CORO7: variants seen among roughly 807,000 people sequenced by gnomAD.
CORO7 encodes coronin 7.
In CORO7, 107 loss-of-function variants were observed where a neutral mutation model predicts 126.6. That is an observed-to-expected ratio of 0.85 (90% CI 0.72 to 0.99). The LOEUF is 0.99. Among genes scored for constraint, CORO7 ranks in the 50% least tolerant of loss-of-function variants. CORO7 has a pLI of 0.00. For synonymous variants in CORO7, 603 were observed against 536.8 expected, an observed-to-expected ratio of 1.12 and a Z score of -1.70; for missense variants, 1,314 against 1,255.8, an observed-to-expected ratio of 1.05 and a Z score of -0.70.
At position 4,371,673 on chromosome 16, in the gene CORO7, C is replaced by A. The variant is rs1039790494; in HGVS notation, c.786-6128G>T. ...ACCCACGACGGGCAAGGTCTCCCCG[C>A]GCAGGTCAGGTGGCCGCAGGGTGAG... On this transcript the variant is annotated intron_variant, in intron 9 of 27. Coordinates refer to ENST00000251166, the MANE Select transcript of CORO7 (RefSeq NM_024535.5). Among the ~76,000 whole-genome samples the A allele has an allele frequency of 2.6e-5, 4 of 152,370 alleles. 1 individual carries two copies. In the South Asian group the frequency reaches 8.3e-4, roughly 32 times the overall value.
chr16:4,395,443 T>A, intron 6 of CORO7, 104 bp from the exon 7 acceptor site: 1 of 1,481,604 alleles, frequency 6.7e-7, no homozygotes, highest in Non-Finnish European at 9.3e-7. Flanking sequence ...GAGCAGCCCA[T>A]CCCCAGCACG....
chr16:4,387,808 T>C (rs1304614512), intron 9 of CORO7, 178 bp downstream of exon 9: 6 of 731,266 alleles, frequency 8.2e-6, no homozygotes, highest in Non-Finnish European at 1.3e-5. Context: ...GCTCGTGACA[T>C]CTGGAAGCTC....
chr16:4,399,117 C>T (rs1054064572), intron 6 of CORO7, among the ~76,000 whole-genome samples: 1 of 152,188 alleles, frequency 6.6e-6, no homozygotes, highest in African/African-American at 2.4e-5. Flanking sequence ...AGCATGTCTT[C>T]CAGCAACCCC....
intron 6 of CORO7, 104 bp from the exon 7 acceptor site, chr16:4,395,443 T>C: frequency 1.3e-6 from 2 of 1,481,604 alleles, no homozygotes; most frequent in African/African-American, 1.4e-5. Flanking sequence ...GAGCAGCCCA[T>C]CCCCAGCACG....
At chr16:4,395,186 C>A in intron 7 of CORO7, 103 bp downstream of exon 7, 1 of 1,541,062 alleles carries the variant, frequency 6.5e-7, no homozygotes, top group Non-Finnish European at 8.9e-7. Context: ...CAGAACATGT[C>A]TGCCAGGACC....
intron 6 of CORO7, among the ~76,000 whole-genome samples, chr16:4,398,817 A>T (rs1200513018): frequency 6.6e-6 from 1 of 151,938 alleles, no homozygotes; most frequent in African/African-American, 2.4e-5. Flanking sequence ...AAAATACAAA[A>T]ATTAGCTGGG....
chr16:4,361,930 G>A (rs767620206), intron 16 of CORO7, 55 bp downstream of exon 16: 57 of 1,556,054 alleles, frequency 3.7e-5, no homozygotes, highest in South Asian at 8.2e-5. Context: ...GGCCCTCCGC[G>A]TCTTTGCCAC....
chr16:4,386,203 T>C (rs1259550633), intron 9 of CORO7, among the ~76,000 whole-genome samples: 1 of 152,176 alleles, frequency 6.6e-6, no homozygotes, highest in Admixed American at 6.5e-5. Context: ...TGGGAGTGAT[T>C]TGAGAAATTC....
intron 9 of CORO7, among the ~76,000 whole-genome samples, chr16:4,376,904 G>A (rs2054752252): frequency 6.6e-6 from 1 of 152,212 alleles, no homozygotes; most frequent in South Asian, 2.1e-4. Flanking sequence ...CTCTCCCTTA[G>A]TAGTACCCAC....
At chr16:4,361,315 C>A (rs758425683) in intron 17 of CORO7, 46 bp downstream of exon 17, 34 of 1,610,416 alleles carry the variant, frequency 2.1e-5, no homozygotes, top group Middle Eastern at 3.3e-4. Context: ...AGCCCCTATC[C>A]GGGACCCAGG....
chr16:4,414,692 G>C lies in CORO7; in HGVS notation c.61-1288C>G, dbSNP rs147288958. ...TAAACTGTTTTAAGCTCTCCCTACA[G>C]TCTGTAGTTCCATGCCTATCTGTTT... On this transcript the variant is annotated intron_variant, in intron 1 of 27. Coordinates refer to ENST00000251166, the MANE Select transcript of CORO7 (RefSeq NM_024535.5). Among the ~76,000 whole-genome samples the C allele has an allele frequency of 3.4e-3, 519 of 152,260 alleles. 6 individuals are homozygous for C. The highest frequency in any genetic ancestry group is 0.012 in the African/African-American group (494 of 41,540).
At chr16:4,369,413 C>T (rs1247437297) in intron 9 of CORO7, among the ~76,000 whole-genome samples, 2 of 152,230 alleles carry the variant, frequency 1.3e-5, no homozygotes, top group East Asian at 3.8e-4. Flanking sequence ...CGGCACCTCT[C>T]CTGCTGGAAT....
At chr16:4,407,981 G>A (rs2056068700) in intron 4 of CORO7, among the ~76,000 whole-genome samples, 200 bp downstream of exon 4, 1 of 152,190 alleles carries the variant, frequency 6.6e-6, no homozygotes, top group Non-Finnish European at 1.5e-5. Flanking sequence ...CGGGCTCCAG[G>A]TCAGGTCAGA....
At chr16:4,358,327 G>A (rs187690561) in intron 24 of CORO7, 40 bp downstream of exon 24, 9 of 1,602,070 alleles carry the variant, frequency 5.6e-6, no homozygotes, top group Non-Finnish European at 6.8e-6. Context: ...TAGGCACCGA[G>A]AAGGCGGTGG....
intron 16 of CORO7, 26 bp downstream of exon 16, chr16:4,361,959 C>A (rs2054194000): frequency 1.3e-6 from 2 of 1,581,210 alleles, no homozygotes; most frequent in African/African-American, 2.7e-5. Flanking sequence ...AACTGAGGGG[C>A]AGCCCTGGTG....
intron 7 of CORO7, 44 bp downstream of exon 7, chr16:4,395,245 T>G (rs762932914): frequency 1.2e-6 from 2 of 1,613,276 alleles, no homozygotes; most frequent in African/African-American, 1.3e-5. Context: ...GTCCTCAGCC[T>G]CAGTGGAGGC....
At chr16:4,403,277 C>G (rs1013250937) in intron 6 of CORO7, among the ~76,000 whole-genome samples, 9 of 152,188 alleles carry the variant, frequency 5.9e-5, no homozygotes, top group Non-Finnish European at 1.2e-4. Context: ...CCCCCACTCC[C>G]GGCTCCATAC....
chr16:4,415,838 C>T (rs1349961990), intron 1 of CORO7: 2 of 985,556 alleles, frequency 2.0e-6, no homozygotes, highest in East Asian at 1.1e-4. Context: ...TTCTTTGGGG[C>T]TCCACCTGCT....
At chr16:4,382,488 T>C (rs1474622488) in intron 9 of CORO7, 3 of 1,600,594 alleles carry the variant, frequency 1.9e-6, no homozygotes, top group Admixed American at 1.7e-5. Flanking sequence ...GTGTCATGCC[T>C]TTGGGGCCCG....
Sources: gnomAD v4.1 joint callset for allele counts (sites outside exome capture counted in the v4.1 genomes callset) on GRCh38, gnomAD v4.1.1 for gene constraint, MANE v1.5 for transcripts, NCBI Gene and HGNC (gene_info 2026-07-23, HGNC 2026-07-21) for gene names.